The following VDAC1 variants were observed in gnomAD, a reference collection of about 807,000 sequenced individuals.
VDAC1 encodes non-selective voltage-gated ion channel VDAC1.
VDAC1 carries 10 observed loss-of-function variants against 34.7 expected under a neutral mutation model. The ratio of observed to expected loss-of-function variants is 0.29; its 90% CI spans 0.18 to 0.49. The LOEUF is 0.49. Among genes scored for constraint, VDAC1 ranks in the 20% least tolerant of loss-of-function variants. The pLI is 0.99. For missense variants in VDAC1, 230 were observed against 347.9 expected (o/e 0.66, Z 2.69); for synonymous variants, 130 against 136.0 (o/e 0.96, Z 0.30).
At chr5:134,099,934 G>A in the VDAC1 span, among the ~76,000 whole-genome samples, 1 of 152,214 alleles carries the variant, frequency 6.6e-6, no homozygotes, top group Non-Finnish European at 1.5e-5. Context: ...CCAGGGTTGA[G>A]ACAGAGTGGG....
At chr5:133,980,689 A>AACCCC in intron 6 of VDAC1, 40 bp downstream of exon 6, 1 of 564,054 alleles carries the variant, frequency 1.8e-6, no homozygotes, top group Non-Finnish European at 3.4e-6. Context: ...ACATGCTCCA[A>AACCCC]CCCCACCCCT....
At chr5:133,973,161 T>C (rs1320875796) in intron 8 of VDAC1, among the ~76,000 whole-genome samples, 1 of 152,234 alleles carries the variant, frequency 6.6e-6, no homozygotes, top group African/African-American at 2.4e-5. Flanking sequence ...ACTGGTAGCA[T>C]GCAGTAAGCT....
At chr5:134,046,515 C>T in the VDAC1 span, among the ~76,000 whole-genome samples, 3 of 152,104 alleles carry the variant, frequency 2.0e-5, no homozygotes, top group East Asian at 1.9e-4. Flanking sequence ...CTGCAAAGTC[C>T]GTTTTGCCAT....
chr5:134,106,755 G>T, the VDAC1 span, among the ~76,000 whole-genome samples: 1 of 152,142 alleles, frequency 6.6e-6, no homozygotes, highest in Non-Finnish European at 1.5e-5. Context: ...GACAAAGAGG[G>T]TAAGTGACTT....
chr5:134,028,242 C>T, the VDAC1 span, among the ~76,000 whole-genome samples: 3 of 152,086 alleles, frequency 2.0e-5, no homozygotes, highest in African/African-American at 7.2e-5. Context: ...AAGCAATTCT[C>T]CTGCCCCCAC....
chr5:133,978,444 T>C (rs2126910339), intron 6 of VDAC1, among the ~76,000 whole-genome samples: 1 of 152,236 alleles, frequency 6.6e-6, no homozygotes, highest in East Asian at 1.9e-4. Context: ...AATTTTCGTT[T>C]CCCCATGAAA....
At chr5:133,980,996 C>T (rs1383742506) in intron 5 of VDAC1, 40 bp from the exon 6 acceptor site, 14 of 1,513,278 alleles carry the variant, frequency 9.3e-6, no homozygotes, top group Non-Finnish European at 1.2e-5. Flanking sequence ...GAAGCTAACT[C>T]ACCTTGAAAT....
At chr5:134,008,677 T>C (rs2127054801), upstream of VDAC1, among the ~76,000 whole-genome samples, 1 of 152,330 alleles carries the variant, frequency 6.6e-6, no homozygotes, top group Admixed American at 6.5e-5. Flanking sequence ...GTCCCTGGAT[T>C]TCTATGTGGT....
the VDAC1 span, among the ~76,000 whole-genome samples, chr5:134,080,788 A>AGCTATACAT: frequency 6.6e-6 from 1 of 152,202 alleles, no homozygotes; most frequent in Non-Finnish European, 1.5e-5. Context: ...AAGTCTACTG[A>AGCTATACAT]GCTATACATA....
At chr5:133,997,972 C>A (rs1310159128) in intron 1 of VDAC1, among the ~76,000 whole-genome samples, 1 of 151,094 alleles carries the variant, frequency 6.6e-6, no homozygotes, top group Non-Finnish European at 1.5e-5. Context: ...GAGGCTGGGG[C>A]AGAAGAATTG....
the VDAC1 span, among the ~76,000 whole-genome samples, chr5:134,112,342 C>A: frequency 6.6e-6 from 1 of 152,346 alleles, no homozygotes; most frequent in African/African-American, 2.4e-5. Context: ...AAGGCAGACA[C>A]CTCTAGCCCT....
the VDAC1 span, among the ~76,000 whole-genome samples, chr5:134,095,514 A>C: frequency 1.7e-4 from 25 of 147,192 alleles, no homozygotes; most frequent in African/African-American, 6.5e-4. Context: ...ATAAATAAAT[A>C]AATAAATAAA....
the VDAC1 span, among the ~76,000 whole-genome samples, chr5:134,095,863 G>A: frequency 1.7e-3 from 257 of 152,314 alleles, no homozygotes; most frequent in African/African-American, 5.9e-3. Context: ...CTACTGTACT[G>A]GACAACACAG....
the VDAC1 span, among the ~76,000 whole-genome samples, chr5:134,097,865 TTTTC>T: frequency 3.9e-5 from 6 of 152,026 alleles, no homozygotes; most frequent in African/African-American, 1.2e-4. Context: ...TTCTTTTTCT[TTTTC>T]TTTCTTTCTT....
At chr5:134,106,840 G>A in the VDAC1 span, among the ~76,000 whole-genome samples, 1 of 152,232 alleles carries the variant, frequency 6.6e-6, no homozygotes, top group African/African-American at 2.4e-5. Context: ...GGAAACCCAG[G>A]CTCTCTTCTC....
chr5:134,098,349 C>G, the VDAC1 span, among the ~76,000 whole-genome samples: 2 of 145,234 alleles, frequency 1.4e-5, no homozygotes, highest in Non-Finnish European at 3.0e-5. Flanking sequence ...AGGCACCCAC[C>G]ACCATGCTGG....
the VDAC1 span, among the ~76,000 whole-genome samples, chr5:134,094,350 C>T: frequency 1.2e-4 from 19 of 152,128 alleles, no homozygotes; most frequent in Admixed American, 2.0e-4. Context: ...AGCGGAACGA[C>T]GACAGAGTTT....
the VDAC1 span, among the ~76,000 whole-genome samples, chr5:134,068,108 A>T: frequency 6.6e-6 from 1 of 152,136 alleles, no homozygotes; most frequent in East Asian, 1.9e-4. Context: ...ACAGAGGGAG[A>T]CTACATCTCA....
chr5:134,077,100 G>A, the VDAC1 span, among the ~76,000 whole-genome samples: 7 of 151,888 alleles, frequency 4.6e-5, no homozygotes, highest in African/African-American at 1.2e-4. Flanking sequence ...CCAACATGGC[G>A]AAACCGTCTC....
Sources: gnomAD v4.1 joint callset for allele counts (sites outside exome capture counted in the v4.1 genomes callset) on GRCh38, gnomAD v4.1.1 for gene constraint, MANE v1.5 for transcripts, NCBI Gene and HGNC (gene_info 2026-07-23, HGNC 2026-07-21) for gene names.